The following TBC1D5 variants were observed in gnomAD, a reference collection of about 807,000 sequenced individuals.
TBC1D5 encodes TBC1 domain family, member 5.
TBC1D5 carries 75 observed loss-of-function variants against 100.3 expected under a neutral mutation model. That is an observed-to-expected ratio of 0.75 (90% CI 0.62 to 0.91). The LOEUF (loss-of-function observed/expected upper bound fraction) is 0.91, where lower values mean the gene tolerates loss of function less well. Among genes scored for constraint, TBC1D5 ranks in the 40% least tolerant of loss-of-function variants. The pLI, the probability that TBC1D5 is intolerant of heterozygous loss-of-function variation, is 0.00. For synonymous variants in TBC1D5, 323 were observed against 325.6 expected (o/e 0.99, Z 0.09); for missense variants, 910 against 942.4 (o/e 0.97, Z 0.45).
intron 3 of TBC1D5, among the ~76,000 whole-genome samples, chr3:17,496,356 G>A (rs1224501472): frequency 6.6e-6 from 1 of 152,076 alleles, no homozygotes; most frequent in African/African-American, 2.4e-5. Flanking sequence ...ATGTCCTAGA[G>A]GAACGAATTC....
intron 18 of TBC1D5, among the ~76,000 whole-genome samples, chr3:17,210,787 C>T (rs2072890004): frequency 6.6e-6 from 1 of 151,936 alleles, no homozygotes; most frequent in South Asian, 2.1e-4. Context: ...TTTATTTTCT[C>T]TGTTCACTCT....
chr3:17,654,246 A>G (rs368218663), intron 1 of TBC1D5, among the ~76,000 whole-genome samples: 5 of 152,186 alleles, frequency 3.3e-5, no homozygotes, highest in Admixed American at 2.6e-4. Flanking sequence ...CTAGAATTAC[A>G]CTGACAAATT....
intron 2 of TBC1D5, among the ~76,000 whole-genome samples, chr3:17,543,999 C>A (rs2096387280): frequency 6.6e-6 from 1 of 151,952 alleles, no homozygotes; most frequent in African/African-American, 2.4e-5. Flanking sequence ...TCCCGAGTAG[C>A]TAAGACTATA....
intron 9 of TBC1D5, among the ~76,000 whole-genome samples, chr3:17,381,236 A>G (rs1013125194): frequency 2.0e-5 from 3 of 152,066 alleles, no homozygotes; most frequent in African/African-American, 7.2e-5. Context: ...CAAATGGTAG[A>G]TGGAGTGCAC....
chr3:17,714,494 G>C (rs549050800), intron 1 of TBC1D5, among the ~76,000 whole-genome samples: 1 of 152,302 alleles, frequency 6.6e-6, no homozygotes, highest in East Asian at 1.9e-4. Flanking sequence ...CTCCCAAAGA[G>C]AGCCAATCCA....
At chr3:17,561,548 A>C (rs2096559373) in intron 2 of TBC1D5, among the ~76,000 whole-genome samples, 1 of 152,154 alleles carries the variant, frequency 6.6e-6, no homozygotes, top group Non-Finnish European at 1.5e-5. Context: ...AAGTTGACCA[A>C]GTGGAAGGCG....
chr3:17,468,561 T>A (rs1293933738), intron 3 of TBC1D5, among the ~76,000 whole-genome samples: 3 of 152,170 alleles, frequency 2.0e-5, no homozygotes, highest in Non-Finnish European at 4.4e-5. Context: ...TTATTTACTA[T>A]TTCCCTCTGT....
chr3:17,676,368 G>C (rs1411439772), intron 1 of TBC1D5, among the ~76,000 whole-genome samples: 3 of 152,056 alleles, frequency 2.0e-5, no homozygotes, highest in Non-Finnish European at 2.9e-5. Context: ...CAGACAAACA[G>C]AGGGCCAAAT....
chr3:17,705,338 T>A lies in TBC1D5; in HGVS notation c.-101+34005A>T, dbSNP rs760819778. On this transcript the variant is annotated intron_variant, in intron 1 of 21. Coordinates refer to ENST00000253692, the Ensembl canonical transcript of TBC1D5. ...TCCCGGATGGGGCGGCTGGCCGGGC[T>A]GGGGGCTGACCCCCCCCCACCTCCC... 8.6e-4 allele frequency among the ~76,000 whole-genome samples: 35 copies of A among 40,706 alleles called. 4 individuals are homozygous for A. The highest frequency in any genetic ancestry group is 3.0e-3 in the African/African-American group (34 of 11,348). The allele number at this position is 40,706 out of a possible 152,430, so 26.7% of individuals were successfully genotyped here.
chr3:17,604,852 T>G (rs1277871082), intron 2 of TBC1D5, among the ~76,000 whole-genome samples: 1 of 152,072 alleles, frequency 6.6e-6, no homozygotes, highest in African/African-American at 2.4e-5. Context: ...TTTTTGGTAT[T>G]TTTAGTAGAG....
chr3:17,229,400 T>C (rs1294908622), intron 17 of TBC1D5, among the ~76,000 whole-genome samples: 1 of 152,132 alleles, frequency 6.6e-6, no homozygotes, highest in Non-Finnish European at 1.5e-5. Context: ...GAATAGACAT[T>C]CTCTAGCTTG....
intron 8 of TBC1D5, among the ~76,000 whole-genome samples, chr3:17,385,879 A>C (rs970827149): frequency 1.3e-5 from 2 of 152,104 alleles, no homozygotes; most frequent in Non-Finnish European, 2.9e-5. Flanking sequence ...TCTAAAGAAG[A>C]GAAAAAGTAA....
intron 2 of TBC1D5, among the ~76,000 whole-genome samples, chr3:17,587,171 T>C (rs2096738106): frequency 6.6e-6 from 1 of 151,944 alleles, no homozygotes; most frequent in Non-Finnish European, 1.5e-5. Flanking sequence ...TAAATAATCA[T>C]ACACACAGAT....
At chr3:17,556,709 T>C (rs2096524470) in intron 2 of TBC1D5, among the ~76,000 whole-genome samples, 1 of 152,242 alleles carries the variant, frequency 6.6e-6, no homozygotes, top group African/African-American at 2.4e-5. Context: ...TTTGATAATA[T>C]AATTATTTTT....
At chr3:17,727,701 A>G (rs2076237474) in intron 1 of TBC1D5, among the ~76,000 whole-genome samples, 1 of 152,256 alleles carries the variant, frequency 6.6e-6, no homozygotes, top group African/African-American at 2.4e-5. Context: ...GGAATACTCC[A>G]CAAAAAGCAC....
intron 2 of TBC1D5, among the ~76,000 whole-genome samples, chr3:17,520,596 T>C (rs933780966): frequency 2.0e-5 from 3 of 152,034 alleles, no homozygotes; most frequent in Admixed American, 6.6e-5. Context: ...AAACAAGTTA[T>C]AGAATTAGGG....
chr3:17,575,298 G>A (rs1176030608), intron 2 of TBC1D5: 1 of 149,406 alleles, frequency 6.7e-6, no homozygotes, highest in Admixed American at 6.7e-5. Context: ...CTTGGCGACA[G>A]AGTGAATATT....
intron 3 of TBC1D5, among the ~76,000 whole-genome samples, chr3:17,480,003 G>A (rs769653224): frequency 1.3e-5 from 2 of 152,228 alleles, no homozygotes; most frequent in Non-Finnish European, 2.9e-5. Context: ...CTGCAGCTTT[G>A]AAAGTGCCTG....
intron 1 of TBC1D5, among the ~76,000 whole-genome samples, chr3:17,704,118 T>C (rs552736292): frequency 3.5e-5 from 5 of 142,962 alleles, no homozygotes; most frequent in Non-Finnish European, 7.6e-5. Flanking sequence ...GGATTGGTGA[T>C]GACTCTTAAC....
Sources: gnomAD v4.1 joint callset for allele counts (sites outside exome capture counted in the v4.1 genomes callset) on GRCh38, gnomAD v4.1.1 for gene constraint, MANE v1.5 for transcripts, NCBI Gene and HGNC (gene_info 2026-07-23, HGNC 2026-07-21) for gene names.